Variants in CSMD1 observed in about 807,000 individuals in gnomAD.
CSMD1 encodes the protein CUB and sushi domain-containing protein 1.
CSMD1 carries 213 observed loss-of-function variants against 417.5 expected under a neutral mutation model. The ratio of observed to expected loss-of-function variants is 0.51; its 90% CI spans 0.46 to 0.57. The LOEUF is 0.57. Among genes scored for constraint, CSMD1 ranks in the 20% least tolerant of loss-of-function variants. CSMD1 has a pLI of 0.00. For missense variants in CSMD1, 6,923 were observed against 4,529.7 expected (o/e 1.53, Z -15.17); for synonymous variants, 2,862 against 1,736.8 (o/e 1.65, Z -16.11).
chr8:4,898,691 C>T (rs13271828), intron 1 of CSMD1, among the ~76,000 whole-genome samples: 73,059 of 151,766 alleles, frequency 0.48, 17,851 homozygotes, highest in East Asian at 0.59. Context: ...CTGAGAAAAA[C>T]GAAATGGAAT....
intron 3 of CSMD1, among the ~76,000 whole-genome samples, chr8:4,094,473 T>C (rs1057497445): frequency 5.9e-5 from 9 of 152,194 alleles, no homozygotes; most frequent in African/African-American, 1.4e-4. Flanking sequence ...TCGAAGATGA[T>C]GCCTGGATTA....
intron 5 of CSMD1, among the ~76,000 whole-genome samples, chr8:3,803,844 C>A (rs1319421276): frequency 6.6e-6 from 1 of 152,130 alleles, no homozygotes; most frequent in Non-Finnish European, 1.5e-5. Context: ...ATAAACATGG[C>A]AAAGAGGTGT....
intron 12 of CSMD1, among the ~76,000 whole-genome samples, chr8:3,461,737 T>A (rs938897370): frequency 6.6e-6 from 1 of 152,198 alleles, no homozygotes; most frequent in Non-Finnish European, 1.5e-5. Flanking sequence ...GCTGGGGCCA[T>A]TGTCCCCAAT....
intron 1 of CSMD1, among the ~76,000 whole-genome samples, chr8:4,785,427 T>C (rs921822711): frequency 7.9e-5 from 12 of 152,170 alleles, no homozygotes; most frequent in African/African-American, 2.9e-4. Flanking sequence ...GCCCCCACAG[T>C]GGGTTAGATC....
In CSMD1 at chr8:3,406,211, C is replaced by A. The variant is rs577232391; in HGVS notation, c.2082G>T (p.Gln694His). The A allele has an allele frequency of 1.4e-5, 22 of 1,603,872 alleles. No homozygotes were observed. The Middle Eastern group carries it at 6.6e-4, about 48-fold the overall frequency. Residue 694 changes from glutamine (Q) to histidine (H), a missense_variant, in exon 15 of 70, where the codon CAG (glutamine) becomes CAT (histidine). By Grantham distance (24) the Gln-to-His change is conservative. Coordinates refer to ENST00000635120, the MANE Select transcript of CSMD1 (RefSeq NM_033225.6). ...GAATGCCAGGATCATGGCACTCATT[C>A]TGACCAAATGCTGAAAGAAAAAGAA... ...GFNITYTTFG[Q>H]NECHDPGIPI...
intron 7 of CSMD1, among the ~76,000 whole-genome samples, chr8:3,649,846 A>T (rs1302385068): frequency 1.3e-4 from 20 of 152,226 alleles, no homozygotes. Flanking sequence ...ACCTTGCTAG[A>T]TGTTTTCTCA....
At chr8:4,041,143 A>C (rs1484079662) in intron 3 of CSMD1, among the ~76,000 whole-genome samples, 1 of 150,144 alleles carries the variant, frequency 6.7e-6, no homozygotes, top group Non-Finnish European at 1.5e-5. Flanking sequence ...CAGCCTCCCG[A>C]GTAGCTGGGA....
In CSMD1 at chr8:3,483,249, G is replaced by C. The variant is rs1199408582; in HGVS notation, c.1448+10374C>G. ...TGCAGAAAGTCAGAAAAAGAGAAAG[G>C]GAGAGAGAGATAGAAGGGAACAATT... On this transcript the variant is annotated intron_variant, in intron 11 of 69. Transcript: ENST00000635120. 3.9e-5 allele frequency among the ~76,000 whole-genome samples: 6 copies of C among 151,972 alleles called. No homozygotes were observed. In the East Asian group the frequency reaches 1.2e-3, roughly 29 times the overall value.
chr8:4,976,671 A>G (rs1215842094), intron 1 of CSMD1, among the ~76,000 whole-genome samples: 1 of 152,172 alleles, frequency 6.6e-6, no homozygotes, highest in Non-Finnish European at 1.5e-5. Context: ...ATAGGATGAG[A>G]AGGTATTTTA....
intron 1 of CSMD1, among the ~76,000 whole-genome samples, chr8:4,853,295 A>G (rs1801595199): frequency 6.6e-6 from 1 of 152,162 alleles, no homozygotes; most frequent in African/African-American, 2.4e-5. Context: ...GAACAATTTT[A>G]TGGGTGAGAC....
At chr8:4,645,188 C>G (rs1189622821) in intron 1 of CSMD1, among the ~76,000 whole-genome samples, 1 of 152,042 alleles carries the variant, frequency 6.6e-6, no homozygotes, top group East Asian at 1.9e-4. Context: ...ACGTTGGCAT[C>G]TCTGCTTTTT....
intron 3 of CSMD1, among the ~76,000 whole-genome samples, chr8:4,056,024 C>G (rs1195339616): frequency 2.0e-5 from 3 of 151,478 alleles, no homozygotes; most frequent in Non-Finnish European, 4.4e-5. Context: ...CACAGATTTC[C>G]TCCTGGGAAA....
At chr8:4,965,319 A>G (rs1216684819) in intron 1 of CSMD1, among the ~76,000 whole-genome samples, 2 of 152,356 alleles carry the variant, frequency 1.3e-5, no homozygotes, top group Non-Finnish European at 1.5e-5. Flanking sequence ...AATGCTTTAC[A>G]TGTATTACTT....
chr8:3,463,801 G>A (rs999003365), intron 12 of CSMD1, among the ~76,000 whole-genome samples: 4 of 152,126 alleles, frequency 2.6e-5, no homozygotes, highest in African/African-American at 7.2e-5. Flanking sequence ...CAAAAGTTCC[G>A]TCTGCCAAGA....
At chr8:3,988,009 T>C (rs1436447650) in intron 5 of CSMD1, among the ~76,000 whole-genome samples, 1 of 152,330 alleles carries the variant, frequency 6.6e-6, no homozygotes, top group East Asian at 1.9e-4. Flanking sequence ...GAGCTCAAAA[T>C]GATTTTACTT....
At chr8:3,443,464 T>G (rs1017796504) in intron 12 of CSMD1, among the ~76,000 whole-genome samples, 1 of 152,202 alleles carries the variant, frequency 6.6e-6, no homozygotes, top group Admixed American at 6.5e-5. Flanking sequence ...CACAAACATC[T>G]AATATCTATA....
chr8:3,278,423 G>C (rs1802474400), intron 26 of CSMD1: 1 of 152,046 alleles, frequency 6.6e-6, no homozygotes, highest in African/African-American at 2.4e-5. Context: ...TACTGACATA[G>C]AATCAAGTAA....
At chr8:4,467,219 G>A (rs1420283688) in intron 2 of CSMD1, among the ~76,000 whole-genome samples, 1 of 151,626 alleles carries the variant, frequency 6.6e-6, no homozygotes, top group Non-Finnish European at 1.5e-5. Context: ...CCTTGTGTCT[G>A]CACAAAGCTC....
At chr8:4,096,481 C>G (rs1468276035) in intron 3 of CSMD1, among the ~76,000 whole-genome samples, 1 of 152,122 alleles carries the variant, frequency 6.6e-6, no homozygotes, top group Non-Finnish European at 1.5e-5. Flanking sequence ...GAGGCAATCC[C>G]CATAGGCTCA....
Sources: allele counts gnomAD v4.1 joint callset (sites outside exome capture counted in the v4.1 genomes callset), GRCh38; gene constraint gnomAD v4.1.1; transcripts MANE v1.5; gene names NCBI Gene and HGNC (gene_info 2026-07-23, HGNC 2026-07-21).